LRMDA: variants seen among roughly 807,000 people sequenced by gnomAD.
The protein encoded by LRMDA is leucine rich melanocyte differentiation associated.
In LRMDA, 18 loss-of-function variants were observed where a neutral mutation model predicts 29.8. The observed-to-expected ratio is 0.60, with a 90% CI of 0.42 to 0.90. LRMDA has a LOEUF of 0.90. Among genes scored for constraint, LRMDA ranks in the 40% least tolerant of loss-of-function variants. The probability of loss-of-function intolerance (pLI) is 0.00; values close to 1 mark genes in which losing one functional copy is unlikely to be tolerated. For synonymous variants in LRMDA, 125 were observed against 109.4 expected, an observed-to-expected ratio of 1.14 and a Z score of -0.89; for missense variants, 273 against 273.9, an observed-to-expected ratio of 1.00 and a Z score of 0.02.
At chr10:76,467,174 A>G (rs1842572660) in intron 6 of LRMDA, among the ~76,000 whole-genome samples, 1 of 152,236 alleles carries the variant, frequency 6.6e-6, no homozygotes, top group South Asian at 2.1e-4. Flanking sequence ...TTTCTCAGCT[A>G]TGGAAAACGT....
At chr10:75,762,359 T>C (rs1843108062) in intron 2 of LRMDA, among the ~76,000 whole-genome samples, 1 of 152,248 alleles carries the variant, frequency 6.6e-6, no homozygotes, top group Admixed American at 6.5e-5. Context: ...ATGAGTTTTT[T>C]CTGTGATCTT....
At chr10:76,369,184 T>TA (rs1349508790) in intron 6 of LRMDA, among the ~76,000 whole-genome samples, 1 of 152,216 alleles carries the variant, frequency 6.6e-6, no homozygotes, top group Non-Finnish European at 1.5e-5. Flanking sequence ...TTTTGCTTTT[T>TA]AACTTGTATT....
At chr10:75,721,705 A>G (rs1842569376) in intron 2 of LRMDA, among the ~76,000 whole-genome samples, 1 of 152,232 alleles carries the variant, frequency 6.6e-6, no homozygotes, top group African/African-American at 2.4e-5. Flanking sequence ...GTTGTATTCC[A>G]AAGTACACTT....
In LRMDA at chr10:75,473,887, C is replaced by T. The variant is rs544693665; in HGVS notation, c.131+35393C>T. 1.9e-3 allele frequency among the ~76,000 whole-genome samples: 289 copies of T among 152,290 alleles called. 2 individuals carry two copies. Among genetic ancestry groups the T allele is most frequent in the Non-Finnish European group, 2.8e-3 (191 of 68,024 alleles). On this transcript the variant is annotated intron_variant, in intron 2 of 6. Coordinates refer to ENST00000611255, the MANE Select transcript of LRMDA (RefSeq NM_001305581.2). ...GTCTGTGCCCCATCCCTGGCATCAA[C>T]ATCACCCAAGGGTTTGTTGGAAATA...
chr10:75,999,254 G>A (rs541422777), intron 2 of LRMDA, among the ~76,000 whole-genome samples: 5 of 152,194 alleles, frequency 3.3e-5, no homozygotes, highest in Admixed American at 6.5e-5. Flanking sequence ...TTTCCAGTGC[G>A]TGGCTCATGT....
intron 2 of LRMDA, among the ~76,000 whole-genome samples, chr10:75,490,539 T>A (rs1173425152): frequency 6.6e-6 from 1 of 152,196 alleles, no homozygotes; most frequent in Non-Finnish European, 1.5e-5. Flanking sequence ...TTAGGAAGAT[T>A]GTAATAATCA....
intron 2 of LRMDA, among the ~76,000 whole-genome samples, chr10:75,937,858 C>G (rs1846323980): frequency 6.6e-6 from 1 of 152,150 alleles, no homozygotes; most frequent in Admixed American, 6.5e-5. Context: ...CAAGGTGACC[C>G]TACCAACTTA....
chr10:76,087,853 G>A (rs548169195), intron 5 of LRMDA, among the ~76,000 whole-genome samples: 32 of 152,302 alleles, frequency 2.1e-4, no homozygotes, highest in African/African-American at 7.5e-4. Context: ...CAAATGTGGT[G>A]GCTCACACCT....
intron 6 of LRMDA, among the ~76,000 whole-genome samples, chr10:76,386,936 A>AT (rs1841666891): frequency 6.6e-6 from 1 of 152,172 alleles, no homozygotes; most frequent in African/African-American, 2.4e-5. Context: ...GCAAGTAAAC[A>AT]TAAAAAGCTC....
intron 5 of LRMDA, among the ~76,000 whole-genome samples, chr10:76,267,943 T>A (rs1295879048): frequency 6.6e-6 from 1 of 152,218 alleles, no homozygotes; most frequent in African/African-American, 2.4e-5. Context: ...AGTCCATAGG[T>A]TGACGTAATA....
At chr10:76,382,832 G>A (rs1001121765) in intron 6 of LRMDA, among the ~76,000 whole-genome samples, 4 of 152,318 alleles carry the variant, frequency 2.6e-5, no homozygotes, top group Admixed American at 2.0e-4. Flanking sequence ...GGCAGGGCCT[G>A]AAAGAGCTGC....
At chr10:76,234,974 C>T (rs1852125504) in intron 5 of LRMDA, among the ~76,000 whole-genome samples, 1 of 152,210 alleles carries the variant, frequency 6.6e-6, no homozygotes, top group African/African-American at 2.4e-5. Flanking sequence ...TTTTCCTTTG[C>T]ATTCACTGTT....
intron 2 of LRMDA, among the ~76,000 whole-genome samples, chr10:75,519,216 G>T (rs953059321): frequency 1.3e-5 from 2 of 152,118 alleles, no homozygotes; most frequent in Non-Finnish European, 2.9e-5. Context: ...ATGTCTATTA[G>T]GTCCAATTGG....
chr10:75,772,892 G>T (rs529947949), intron 2 of LRMDA, among the ~76,000 whole-genome samples: 6 of 151,490 alleles, frequency 4.0e-5, no homozygotes, highest in Non-Finnish European at 8.8e-5. Context: ...ATTAATCAGG[G>T]ATGTATGGAT....
At chr10:76,108,356 C>A (rs1020802883) in intron 5 of LRMDA, among the ~76,000 whole-genome samples, 2 of 152,108 alleles carry the variant, frequency 1.3e-5, no homozygotes, top group Non-Finnish European at 2.9e-5. Flanking sequence ...TGTGGAGGGA[C>A]TTCATATGTA....
At chr10:76,178,284 C>T (rs1850978022) in intron 5 of LRMDA, among the ~76,000 whole-genome samples, 1 of 152,058 alleles carries the variant, frequency 6.6e-6, no homozygotes, top group Non-Finnish European at 1.5e-5. Context: ...CCAGGCCAAC[C>T]ATGATGAGGA....
intron 2 of LRMDA, among the ~76,000 whole-genome samples, chr10:75,529,616 C>T (rs1388682485): frequency 6.6e-6 from 1 of 152,142 alleles, no homozygotes; most frequent in African/African-American, 2.4e-5. Flanking sequence ...TCTTCCCCAG[C>T]ATGATGAAGG....
intron 2 of LRMDA, among the ~76,000 whole-genome samples, chr10:76,019,349 C>T (rs570039033): frequency 7.9e-5 from 12 of 152,250 alleles, no homozygotes; most frequent in East Asian, 1.9e-4. Flanking sequence ...TTGAAATTGT[C>T]ACTGACCAGG....
chr10:75,906,942 T>G (rs776642001), intron 2 of LRMDA, among the ~76,000 whole-genome samples: 5 of 152,226 alleles, frequency 3.3e-5, no homozygotes, highest in Non-Finnish European at 5.9e-5. Context: ...CTTTTCAATC[T>G]CTCTTTTTCC....
Sources: allele counts gnomAD v4.1 joint callset (sites outside exome capture counted in the v4.1 genomes callset), GRCh38; gene constraint gnomAD v4.1.1; transcripts MANE v1.5; gene names NCBI Gene and HGNC (gene_info 2026-07-23, HGNC 2026-07-21).